The following SV2B variants were observed in gnomAD, a reference collection of about 807,000 sequenced individuals.
The protein encoded by SV2B is synaptic vesicle glycoprotein 2B.
SV2B carries 41 observed loss-of-function variants against 73.9 expected under a neutral mutation model. That is an observed-to-expected ratio of 0.56 (90% CI 0.43 to 0.72). The LOEUF (loss-of-function observed/expected upper bound fraction) is 0.72. SV2B is among the 30% of genes least tolerant of loss of function. The probability of loss-of-function intolerance (pLI) is 0.00; values close to 1 mark genes in which losing one functional copy is unlikely to be tolerated. For synonymous variants in SV2B, 314 were observed against 314.2 expected, an observed-to-expected ratio of 1.00 and a Z score of 0.01; for missense variants, 764 against 857.8, an observed-to-expected ratio of 0.89 and a Z score of 1.37.
chr15:91,243,391 G>C (rs1353315565), intron 2 of SV2B, among the ~76,000 whole-genome samples: 1 of 152,142 alleles, frequency 6.6e-6, no homozygotes. Context: ...GCAATTTCAG[G>C]GTTCTTGAAG....
chr15:91,147,857 T>C (rs2043189093), intron 1 of SV2B, among the ~76,000 whole-genome samples: 1 of 151,688 alleles, frequency 6.6e-6, no homozygotes, highest in African/African-American at 2.4e-5. Flanking sequence ...TAATTCCTTA[T>C]GATTGTAAGA....
rs1483736177 is a variant in SV2B at position 91,232,337 on chromosome 15, C to T, written c.451+5623C>T. ...CAGGATAGACTGATTACTTGATGCTCTTGTGAGAACAAAAACCATCAGAAG... is the reference window on the plus strand; with the variant it reads ...CAGGATAGACTGATTACTTGATGCTTTTGTGAGAACAAAAACCATCAGAAG... On this transcript the variant is annotated intron_variant, in intron 2 of 12. Transcript: ENST00000394232. This position sits in a 1 kb window ranked among gnomAD's most constrained non-coding sequence, Gnocchi z 4.7. 6.6e-6 allele frequency among the ~76,000 whole-genome samples: 1 copy of T among 152,160 alleles called. No homozygotes were observed. Among genetic ancestry groups the T allele is most frequent in the Non-Finnish European group, 1.5e-5 (1 of 68,028 alleles).
At chr15:91,257,759 T>A (rs1024133714) in intron 4 of SV2B, among the ~76,000 whole-genome samples, 4 of 152,116 alleles carry the variant, frequency 2.6e-5, no homozygotes, top group African/African-American at 7.2e-5. Context: ...CCCCTTCCCA[T>A]AAGGCAAGGC....
At chr15:91,212,978 T>TAAA (rs34863204) in intron 1 of SV2B, among the ~76,000 whole-genome samples, 22 of 127,106 alleles carry the variant, frequency 1.7e-4, no homozygotes, top group African/African-American at 6.1e-4. Context: ...CTGTCTCTAC[T>TAAA]AAAAAAAAAA....
chr15:91,266,127 G>A lies in SV2B; in HGVS notation c.1009-455G>A, dbSNP rs111321932. ...CACTGCACTCCAGCCTGGCAACAGAGCGAGACTGTGTCTCAAAAAACAAAA... is the reference window on the plus strand; with the variant it reads ...CACTGCACTCCAGCCTGGCAACAGAACGAGACTGTGTCTCAAAAAACAAAA... On this transcript the variant is annotated intron_variant, in intron 6 of 12. Transcript: ENST00000394232. Among the ~76,000 whole-genome samples the A allele has an allele frequency of 4.2e-4, 64 of 152,322 alleles. 3 individuals are homozygous for A. The highest frequency in any genetic ancestry group is 1.4e-3 in the African/African-American group (60 of 41,582).
chr15:91,220,819 C>T lies in SV2B; in HGVS notation c.-391-5054C>T, dbSNP rs1300065047. Reference sequence around the variant, plus strand: ...CTTGGCTACATTTTAATTGTCAATACTTAGATAATAATCATAATTTTTATT... The same window carrying T: ...CTTGGCTACATTTTAATTGTCAATATTTAGATAATAATCATAATTTTTATT... On this transcript the variant is annotated intron_variant, in intron 1 of 12. Coordinates refer to ENST00000394232, the MANE Select transcript of SV2B (RefSeq NM_001323032.3). The surrounding 1 kb of genome is among the most constrained non-coding windows in gnomAD (Gnocchi z 4.1). Among the ~76,000 whole-genome samples the T allele has an allele frequency of 6.6e-6, 1 of 152,136 alleles. No homozygotes were observed. The highest frequency in any genetic ancestry group is 1.5e-5 in the Non-Finnish European group (1 of 68,016).
chr15:91,181,166 C>A (rs532127663), intron 1 of SV2B, among the ~76,000 whole-genome samples: 299 of 152,258 alleles, frequency 2.0e-3, no homozygotes, highest in African/African-American at 6.9e-3. Flanking sequence ...CACTCCAGAC[C>A]CTGTTTGCCT....
upstream of SV2B, chr15:91,100,240 C>G (rs959765776): frequency 6.6e-6 from 1 of 152,084 alleles, no homozygotes; most frequent in South Asian, 2.1e-4. This position sits in a 1 kb window ranked among gnomAD's most constrained non-coding sequence, Gnocchi z 6.4. Context: ...GTGTGACACC[C>G]GCCGGCGCCT....
At chr15:91,199,956 C>G (rs983366959) in intron 1 of SV2B, among the ~76,000 whole-genome samples, 5 of 152,112 alleles carry the variant, frequency 3.3e-5, no homozygotes, top group Admixed American at 6.5e-5. Context: ...TGGACTGCCC[C>G]GCAGAGAGGC....
At position 91,258,575 on chromosome 15, in the gene SV2B, C is replaced by T; in HGVS notation, c.918+21C>T. On this transcript the variant is annotated intron_variant, in intron 5 of 12. Coordinates refer to ENST00000394232, the MANE Select transcript of SV2B (RefSeq NM_001323032.3). The surrounding 1 kb of genome is among the most constrained non-coding windows in gnomAD (Gnocchi z 4.7). The stretch of plus-strand genomic sequence containing the variant: ...TAGAGGTGAGTCAGTGCTTTTCCAC[C>T]AGGGGGAGAGTGACAAAACAGCCAC... 5 of 1,612,728 alleles carry T rather than the reference C, an allele frequency of 3.1e-6. No individual in the cohort carries two copies. The highest frequency in any genetic ancestry group is 4.5e-5 in the East Asian group (2 of 44,860).
intron 6 of SV2B, among the ~76,000 whole-genome samples, chr15:91,263,638 A>G (rs2048003369): frequency 6.6e-6 from 1 of 151,950 alleles, no homozygotes; most frequent in Non-Finnish European, 1.5e-5. Context: ...ACAGACGCAC[A>G]TTAAGACAAA....
chr15:91,175,036 G>T (rs1302873518), intron 1 of SV2B, among the ~76,000 whole-genome samples: 1 of 152,198 alleles, frequency 6.6e-6, no homozygotes. Flanking sequence ...CTATATGGGA[G>T]CACATCTCAG....
intron 9 of SV2B, among the ~76,000 whole-genome samples, chr15:91,275,730 G>T (rs930833905): frequency 5.3e-5 from 8 of 152,154 alleles, no homozygotes; most frequent in Non-Finnish European, 1.2e-4. Context: ...GGAGGCTGAG[G>T]CACGAGAATT....
intron 1 of SV2B, among the ~76,000 whole-genome samples, chr15:91,104,403 G>A (rs1166899936): frequency 6.6e-6 from 1 of 152,222 alleles, no homozygotes; most frequent in Non-Finnish European, 1.5e-5. Flanking sequence ...GTAAAAGCTT[G>A]TATGGCCTCT....
intron 1 of SV2B, among the ~76,000 whole-genome samples, chr15:91,204,805 C>T (rs987756156): frequency 6.6e-6 from 1 of 152,114 alleles, no homozygotes; most frequent in Non-Finnish European, 1.5e-5. Flanking sequence ...AATCCGCTCA[C>T]CTCGCCTCCC....
chr15:91,237,244 G>A (rs2046819899), intron 2 of SV2B, among the ~76,000 whole-genome samples: 1 of 152,142 alleles, frequency 6.6e-6, no homozygotes, highest in African/African-American at 2.4e-5. Flanking sequence ...TCAAAGTCAT[G>A]CACTATTGAC....
intron 9 of SV2B, among the ~76,000 whole-genome samples, chr15:91,274,080 A>G (rs1197479317): frequency 6.6e-6 from 1 of 152,202 alleles, no homozygotes; most frequent in East Asian, 1.9e-4. Context: ...AAATTTTTAT[A>G]TGCATATTTC....
rs1406764708 is a variant in SV2B, at chr15:91,100,812, G to T, written c.-392+449G>T. Reference sequence around the variant, plus strand: ...GTGCTTACACCTGGTGGCTCTTGGGGTTTGTGAGTGTGTATTTCTGTATGT... The same window carrying T: ...GTGCTTACACCTGGTGGCTCTTGGGTTTTGTGAGTGTGTATTTCTGTATGT... On this transcript the variant is annotated intron_variant, in intron 1 of 12. Coordinates refer to ENST00000394232, the MANE Select transcript of SV2B (RefSeq NM_001323032.3). This position sits in a 1 kb window ranked among gnomAD's most constrained non-coding sequence, Gnocchi z 6.4. Among the ~76,000 whole-genome samples the T allele has an allele frequency of 1.3e-5, 2 of 152,232 alleles. No homozygotes were observed. The highest frequency in any genetic ancestry group is 4.8e-5 in the African/African-American group (2 of 41,466).
chr15:91,202,264 T>C (rs376128552), intron 1 of SV2B, among the ~76,000 whole-genome samples: 21 of 152,354 alleles, frequency 1.4e-4, no homozygotes, highest in African/African-American at 3.8e-4. Flanking sequence ...GAAGGTTAGC[T>C]CTATGAGGTC....
Sources: gnomAD v4.1 joint callset for allele counts (sites outside exome capture counted in the v4.1 genomes callset) on GRCh38, gnomAD v4.1.1 for gene constraint, Gnocchi (gnomAD v3.1) non-coding constraint, MANE v1.5 for transcripts, NCBI Gene and HGNC (gene_info 2026-07-23, HGNC 2026-07-21) for gene names.